CENPO: variants seen among roughly 807,000 people sequenced by gnomAD.
CENPO encodes centromeric protein O.
Under a neutral mutation model 36.1 loss-of-function variants are expected in CENPO, and 30 were observed. That is an observed-to-expected ratio of 0.83 (90% CI 0.62 to 1.13). CENPO has a LOEUF of 1.13. Ranked by LOEUF, CENPO falls within the 50% of genes most tolerant of loss-of-function variation. The pLI, the probability that CENPO is intolerant of heterozygous loss-of-function variation, is 0.00. For missense variants in CENPO, 349 were observed against 357.8 expected (o/e 0.98, Z 0.20); for synonymous variants, 171 against 142.3 (o/e 1.20, Z -1.44).
chr2:24,818,078 G>A (rs1397100196), intron 7 of CENPO, among the ~76,000 whole-genome samples: 1 of 152,030 alleles, frequency 6.6e-6, no homozygotes, highest in Non-Finnish European at 1.5e-5. Flanking sequence ...TCATTTGTGG[G>A]GCAATAAAAG....
At chr2:24,805,157 G>A (rs939710035) in intron 3 of CENPO, among the ~76,000 whole-genome samples, 1 of 151,778 alleles carries the variant, frequency 6.6e-6, no homozygotes, top group Non-Finnish European at 1.5e-5. Flanking sequence ...TGGGTCTCAC[G>A]CCATGGTTTT....
At chr2:24,802,831 T>A (rs1409284632) in intron 3 of CENPO, among the ~76,000 whole-genome samples, 1 of 152,176 alleles carries the variant, frequency 6.6e-6, no homozygotes, top group Non-Finnish European at 1.5e-5. Flanking sequence ...ATCAGGATGA[T>A]GCTGGCCTCA....
At chr2:24,814,528 G>T (rs1458473055) in intron 4 of CENPO, 35 bp downstream of exon 4, 1 of 984,214 alleles carries the variant, frequency 1.0e-6, no homozygotes, top group Admixed American at 1.7e-5. Context: ...TTTAGTCTGG[G>T]TCTGCCTCTA....
At chr2:24,818,378 ATT>A (rs71325757) in intron 7 of CENPO, among the ~76,000 whole-genome samples, 167 of 150,330 alleles carry the variant, frequency 1.1e-3, no homozygotes, top group African/African-American at 3.3e-3. Flanking sequence ...AAGACCCAAT[ATT>A]TTTTTTTTTT....
intron 3 of CENPO, among the ~76,000 whole-genome samples, chr2:24,808,986 T>C (rs1666555485): frequency 6.6e-6 from 1 of 152,200 alleles, no homozygotes; most frequent in African/African-American, 2.4e-5. Context: ...TTGGGCCTTC[T>C]CTGTGGGAAG....
chr2:24,811,281 A>ATTTTTT (rs746900520), intron 3 of CENPO, among the ~76,000 whole-genome samples: 3 of 38,346 alleles, frequency 7.8e-5, no homozygotes, highest in Admixed American at 4.5e-4. Context: ...TAGTCCATGA[A>ATTTTTT]CTTTTTTTTT....
chr2:24,820,173 G>T lies in CENPO; in HGVS notation c.*855G>T. ...ACGGGGGGAGCCTAGACTGAGGGCG[G>T]GTGGGGGCTTTGGGTGGTTGGAGCC... On this transcript the variant is annotated 3_prime_UTR_variant, in exon 8 of 8. Coordinates refer to ENST00000380834, the MANE Select transcript of CENPO (RefSeq NM_001322101.2). 1 of 1,328,972 alleles carries T rather than the reference G, an allele frequency of 7.5e-7. No individual in the cohort carries two copies. The highest frequency in any genetic ancestry group is 1.0e-6 in the Non-Finnish European group (1 of 977,880). 82.3% of individuals were successfully genotyped at this position (1,328,972 alleles called of 1,614,324 possible).
intron 3 of CENPO, among the ~76,000 whole-genome samples, chr2:24,802,517 A>G (rs1666205883): frequency 6.6e-6 from 1 of 152,190 alleles, no homozygotes. Flanking sequence ...TAACTAATTT[A>G]TTGAGAGTTT....
rs1425916796 is a variant in CENPO at position 24,820,109 on chromosome 2, T to C, written c.*791T>C. On this transcript the variant is annotated 3_prime_UTR_variant, in exon 8 of 8. Transcript: ENST00000380834. The stretch of plus-strand genomic sequence containing the variant: ...CTCGGAGGATGACTTGGGTTTCTTC[T>C]ACCACCTGGAGAGGGAGGGGGAGCA... 4.8e-6 allele frequency: 7 copies of C among 1,466,104 alleles called. No individual in the cohort carries two copies. The highest frequency in any genetic ancestry group is 6.4e-6 in the Non-Finnish European group (7 of 1,098,402). 90.8% of individuals were successfully genotyped at this position (1,466,104 alleles called of 1,614,324 possible). A position where few individuals can be genotyped will look rare whatever the true frequency, so the allele number is the denominator to read the frequency against.
chr2:24,820,854 G>T lies in CENPO; in HGVS notation c.*1536G>T, dbSNP rs1159016293. On this transcript the variant is annotated 3_prime_UTR_variant, in exon 8 of 8. Coordinates refer to ENST00000380834, the MANE Select transcript of CENPO (RefSeq NM_001322101.2). ...AACCCCGCCTTTGTTCATGCCTAGG[G>T]TAGAGGCATAAAGTTCAGCACAGCC... 1 of 1,613,696 alleles carries T rather than the reference G, an allele frequency of 6.2e-7. No homozygotes were observed. Among genetic ancestry groups the T allele is most frequent in the East Asian group, 2.2e-5 (1 of 44,878 alleles).
chr2:24,810,070 T>G (rs1666607696), intron 3 of CENPO, among the ~76,000 whole-genome samples: 1 of 151,780 alleles, frequency 6.6e-6, no homozygotes, highest in Admixed American at 6.6e-5. Context: ...AAACTTACAT[T>G]CTTATTGATT....
Position 24,820,427 on chromosome 2 carries a change from C to T in CENPO, c.*1109C>T, listed in dbSNP as rs192003894. The T allele has an allele frequency of 2.2e-5, 29 of 1,321,332 alleles. No homozygotes were observed. The highest frequency in any genetic ancestry group is 1.8e-4 in the African/African-American group (12 of 66,474). The allele number at this position is 1,321,332 out of a possible 1,614,324, so 81.9% of individuals were successfully genotyped here. On this transcript the variant is annotated 3_prime_UTR_variant, in exon 8 of 8. Transcript: ENST00000380834. ...TGCTCTTCTGTCCCTTTGCCCCTTT[C>T]GTGGAGCTTTTCTGCCAGACGCCAC...
At position 24,821,438 on chromosome 2, in the gene CENPO, C is replaced by T; in HGVS notation, c.*2120C>T. Reference sequence around the variant, plus strand: ...GAATTGCCTCAGTTGTCCTGAGCCTCATGTCTCTCCTGGTGGTGGGCCAGG... The same window carrying T: ...GAATTGCCTCAGTTGTCCTGAGCCTTATGTCTCTCCTGGTGGTGGGCCAGG... On this transcript the variant is annotated 3_prime_UTR_variant, in exon 8 of 8. Coordinates refer to ENST00000380834, the MANE Select transcript of CENPO (RefSeq NM_001322101.2). 1 of 1,572,194 alleles carries T rather than the reference C, an allele frequency of 6.4e-7. No individual in the cohort carries two copies. Among genetic ancestry groups the T allele is most frequent in the Non-Finnish European group, 8.6e-7 (1 of 1,156,112 alleles).
chr2:24,800,309 G>A (rs1666104914), intron 3 of CENPO, among the ~76,000 whole-genome samples: 1 of 152,156 alleles, frequency 6.6e-6, no homozygotes, highest in Non-Finnish European at 1.5e-5. Context: ...GAGTTACAGT[G>A]AATATCACCT....
intron 6 of CENPO, among the ~76,000 whole-genome samples, 175 bp from the exon 7 acceptor site, chr2:24,817,495 G>A (rs1667004053): frequency 8.1e-6 from 1 of 123,122 alleles, no homozygotes; most frequent in Non-Finnish European, 1.7e-5. Context: ...GGTCCAGTGG[G>A]TCCAGAATAT....
intron 2 of CENPO, among the ~76,000 whole-genome samples, chr2:24,795,508 C>G (rs932396351): frequency 9.2e-5 from 14 of 152,114 alleles, no homozygotes; most frequent in Non-Finnish European, 1.9e-4. Context: ...AACGCTACCC[C>G]CTTGGTGTAG....
In CENPO at chr2:24,819,995, C is replaced by T. The variant is rs1327801148; in HGVS notation, c.*677C>T. On this transcript the variant is annotated 3_prime_UTR_variant, in exon 8 of 8. Coordinates refer to ENST00000380834, the MANE Select transcript of CENPO (RefSeq NM_001322101.2). ...AGGGGCCATTGGGGAAGGTGGCTAG[C>T]TTATCCCGCCCCTTCAAGAAGAAGG... is the stretch of plus-strand genomic sequence containing the variant. The T allele has an allele frequency of 3.1e-6, 5 of 1,613,340 alleles. No individual in the cohort carries two copies. In the South Asian group the frequency reaches 5.5e-5, roughly 18 times the overall value.
chr2:24,819,504 C>T lies in CENPO; in HGVS notation c.*186C>T, dbSNP rs1667210100. Reference sequence around the variant, plus strand: ...CACCTCACTCGGACCACATGGAGACCTCCCTTCAAAATGGGAGCCATGTCC... The same window carrying T: ...CACCTCACTCGGACCACATGGAGACTTCCCTTCAAAATGGGAGCCATGTCC... On this transcript the variant is annotated 3_prime_UTR_variant, in exon 8 of 8. Coordinates refer to ENST00000380834, the MANE Select transcript of CENPO (RefSeq NM_001322101.2). The T allele has an allele frequency of 6.4e-6, 1 of 156,204 alleles. No individual in the cohort carries two copies. The highest frequency in any genetic ancestry group is 2.0e-4 in the South Asian group (1 of 4,988). The allele number at this position is 156,204 out of a possible 1,614,324, so 9.7% of individuals were successfully genotyped here.
At position 24,821,946 on chromosome 2, in the gene CENPO, T is replaced by A; in HGVS notation, c.*2628T>A. The A allele has an allele frequency of 3.1e-6, 1 of 324,720 alleles. No individual in the cohort carries two copies. Among genetic ancestry groups the A allele is most frequent in the South Asian group, 4.4e-5 (1 of 22,602 alleles). 20.1% of individuals were successfully genotyped at this position (324,720 alleles called of 1,614,324 possible). On this transcript the variant is annotated 3_prime_UTR_variant, in exon 8 of 8. Coordinates refer to ENST00000380834, the MANE Select transcript of CENPO (RefSeq NM_001322101.2). ...CTGGTCCTTAGGTTTTGTCAGGTTG[T>A]CCTTGTTTGGATCCCTCAACTAGGT...
Sources: allele counts gnomAD v4.1 joint callset (sites outside exome capture counted in the v4.1 genomes callset), GRCh38; gene constraint gnomAD v4.1.1; transcripts MANE v1.5; gene names NCBI Gene and HGNC (gene_info 2026-07-23, HGNC 2026-07-21).